The following RAB23 variants were observed in gnomAD, a reference collection of about 807,000 sequenced individuals.
RAB23 encodes ras-related protein Rab-23.
In RAB23, 15 loss-of-function variants were observed where a neutral mutation model predicts 30.0. That is an observed-to-expected ratio of 0.50 (90% CI 0.33 to 0.77). The LOEUF (loss-of-function observed/expected upper bound fraction) is 0.77. Among genes scored for constraint, RAB23 ranks in the 30% least tolerant of loss-of-function variants. The pLI, the probability that RAB23 is intolerant of heterozygous loss-of-function variation, is 0.02. For synonymous variants in RAB23, 93 were observed against 94.0 expected (o/e 0.99, Z 0.06); for missense variants, 243 against 275.4 (o/e 0.88, Z 0.83).
intron 6 of RAB23, 25 bp from the exon 7 acceptor site, chr6:57,190,625 G>T: frequency 2.5e-6 from 4 of 1,613,040 alleles, no homozygotes; most frequent in Non-Finnish European, 3.4e-6. Context: ...GGAAAAGAGT[G>T]ATTGCCACTG....
intron 1 of RAB23, among the ~76,000 whole-genome samples, chr6:57,220,457 T>C (rs1019322684): frequency 3.3e-5 from 5 of 152,356 alleles, no homozygotes; most frequent in Non-Finnish European, 4.4e-5. Flanking sequence ...ATGGTATTTA[T>C]AGCAGATTGA....
At chr6:57,214,110 C>T (rs1765752744) in intron 1 of RAB23, among the ~76,000 whole-genome samples, 1 of 152,038 alleles carries the variant, frequency 6.6e-6, no homozygotes, top group Non-Finnish European at 1.5e-5. Context: ...ATCCCTACCC[C>T]TTTTCACCTC....
intron 3 of RAB23, among the ~76,000 whole-genome samples, chr6:57,200,238 G>C (rs1278455592): frequency 2.6e-5 from 4 of 150,988 alleles, no homozygotes; most frequent in African/African-American, 9.8e-5. Flanking sequence ...AAAGGAAAAG[G>C]ATCTGTAAAG....
In RAB23 at chr6:57,188,336, A is replaced by G. The variant is rs1478066057; in HGVS notation, c.*2125T>C. ...TGCAAATTAAAAATTCAAATATGTA[A>G]CAAAGCTCTCTCTTCAGTTCTTATT... is the stretch of plus-strand genomic sequence containing the variant. On this transcript the variant is annotated 3_prime_UTR_variant, in exon 7 of 7. Coordinates refer to ENST00000468148, the MANE Select transcript of RAB23 (RefSeq NM_016277.5). The G allele has an allele frequency of 3.9e-5, 6 of 152,190 alleles. No homozygotes were observed. Among genetic ancestry groups the G allele is most frequent in the Admixed American group, 3.9e-4 (6 of 15,278 alleles). 9.4% of individuals were successfully genotyped at this position (152,190 alleles called of 1,614,324 possible).
intron 1 of RAB23, among the ~76,000 whole-genome samples, chr6:57,214,365 A>G (rs1335527883): frequency 4.6e-5 from 7 of 151,946 alleles, no homozygotes; most frequent in Admixed American, 2.0e-4. Context: ...TCCAGGCTGG[A>G]GTGCAGTGGG....
chr6:57,201,309 C>T (rs1765245088), intron 3 of RAB23, among the ~76,000 whole-genome samples: 1 of 152,150 alleles, frequency 6.6e-6, no homozygotes, highest in South Asian at 2.1e-4. Flanking sequence ...TCTTGAACTC[C>T]TGACCTCAGG....
chr6:57,220,904 C>T (rs1766032027), intron 1 of RAB23, among the ~76,000 whole-genome samples: 1 of 151,770 alleles, frequency 6.6e-6, no homozygotes, highest in Non-Finnish European at 1.5e-5. Context: ...AAGAAAAAAG[C>T]CAAATTAAAT....
chr6:57,196,352 A>T, intron 4 of RAB23, 98 bp downstream of exon 4: 1 of 1,392,376 alleles, frequency 7.2e-7, no homozygotes, highest in Non-Finnish European at 1.0e-6. Context: ...AAATGAAAGT[A>T]TAGAATTTTT....
In RAB23 at chr6:57,207,721, A is replaced by G. The variant is rs1593221684; in HGVS notation, c.156-8T>C. The G allele has an allele frequency of 3.2e-6, 5 of 1,544,924 alleles. No individual in the cohort carries two copies. In the East Asian group the frequency reaches 9.0e-5, roughly 28 times the overall value. ...ACATCTTCATCATTAACTCTAAAAC[A>G]AGAGATGAATTTATTTCATATGTAA... On this transcript the variant is annotated splice_polypyrimidine_tract_variant and splice_region_variant and intron_variant, in intron 2 of 6. Transcript: ENST00000468148.
In RAB23 at chr6:57,210,214, C is replaced by G. The variant is rs781514936; in HGVS notation, c.155+12G>C. On this transcript the variant is annotated intron_variant, in intron 2 of 6. Coordinates refer to ENST00000468148, the MANE Select transcript of RAB23 (RefSeq NM_016277.5). The stretch of plus-strand genomic sequence containing the variant: ...AATCAAAGCCAAAGGAATAAAATGG[C>G]CAAGTACTTACTGAATTTGTCGCTC... The G allele has an allele frequency of 1.9e-6, 3 of 1,612,250 alleles. No individual in the cohort carries two copies. The African/African-American group carries it at 4.0e-5, about 21-fold the overall frequency.
At chr6:57,202,710 T>C (rs1445941774) in intron 3 of RAB23, among the ~76,000 whole-genome samples, 1 of 152,200 alleles carries the variant, frequency 6.6e-6, no homozygotes, top group African/African-American at 2.4e-5. Flanking sequence ...AGTAAGTCTC[T>C]GTAGTTTTAA....
In RAB23 at chr6:57,198,140, A is replaced by G. The variant is rs372786142; in HGVS notation, c.242-1534T>C. On this transcript the variant is annotated intron_variant, in intron 3 of 6. Coordinates refer to ENST00000468148, the MANE Select transcript of RAB23 (RefSeq NM_016277.5). Reference sequence around the variant, plus strand: ...AAAATACAGAAAGAGAGAGACAAAGACACCCTGAGACCTTCTCAGAATTTA... The same window carrying G: ...AAAATACAGAAAGAGAGAGACAAAGGCACCCTGAGACCTTCTCAGAATTTA... Among the ~76,000 whole-genome samples the G allele has an allele frequency of 5.9e-5, 9 of 152,202 alleles. No homozygotes were observed. In the East Asian group the frequency reaches 1.7e-3, roughly 29 times the overall value.
chr6:57,208,626 CAAAAAAAAAAAAAA>C (rs1168854982), intron 2 of RAB23, among the ~76,000 whole-genome samples: 1 of 46,918 alleles, frequency 2.1e-5, no homozygotes, highest in Non-Finnish European at 4.0e-5. Flanking sequence ...GACTCTGTCT[CAAAAAAAAAAAAAA>C]AAAAAAAAAG....
intron 4 of RAB23, among the ~76,000 whole-genome samples, chr6:57,195,481 C>A (rs1056740540): frequency 8.5e-5 from 13 of 152,200 alleles, no homozygotes; most frequent in African/African-American, 2.7e-4. Context: ...TGGTCTTCAG[C>A]CCCTTGTGTA....
intron 6 of RAB23, 83 bp from the exon 7 acceptor site, chr6:57,190,683 A>G: frequency 5.3e-6 from 8 of 1,515,054 alleles, no homozygotes; most frequent in Non-Finnish European, 7.3e-6. Context: ...AAAATCAGTA[A>G]TATTTTCAAG....
chr6:57,192,016 T>C (rs962855263), intron 6 of RAB23, among the ~76,000 whole-genome samples: 1 of 148,718 alleles, frequency 6.7e-6, no homozygotes, highest in African/African-American at 2.5e-5. Flanking sequence ...TAATTTTTCT[T>C]TTTTTTTTTA....
chr6:57,222,215 A>C lies in RAB23; in HGVS notation c.-555T>G, dbSNP rs1269031027. 1.3e-5 allele frequency: 2 copies of C among 152,390 alleles called. No individual in the cohort carries two copies. The allele number at this position is 152,390 out of a possible 1,614,324, so 9.4% of individuals were successfully genotyped here. ...CGAACTTTATTAGTAGCCAGGGCTC[A>C]GATTGAGTGGCTCAGCAGCAGCTCC... On this transcript the variant is annotated 5_prime_UTR_variant, in exon 1 of 7. Coordinates refer to ENST00000468148, the MANE Select transcript of RAB23 (RefSeq NM_016277.5).
chr6:57,190,813 G>A (rs553162879), intron 6 of RAB23, among the ~76,000 whole-genome samples: 32 of 152,154 alleles, frequency 2.1e-4, no homozygotes, highest in Admixed American at 3.9e-4. Flanking sequence ...AATCACCCCC[G>A]TCCATCTCCA....
intron 3 of RAB23, among the ~76,000 whole-genome samples, chr6:57,197,099 AT>A: frequency 6.6e-6 from 1 of 152,298 alleles, no homozygotes; most frequent in East Asian, 1.9e-4. Flanking sequence ...TTTAAGAAAA[AT>A]TTATGAGAAA....
Sources: gnomAD v4.1 joint callset for allele counts (sites outside exome capture counted in the v4.1 genomes callset) on GRCh38, gnomAD v4.1.1 for gene constraint, MANE v1.5 for transcripts, NCBI Gene and HGNC (gene_info 2026-07-23, HGNC 2026-07-21) for gene names.